DMD: variants seen among roughly 807,000 people sequenced by gnomAD.
The protein encoded by DMD is mutant dystrophin.
A neutral mutation model predicts 330.1 loss-of-function variants in DMD; 63 were observed. The observed-to-expected ratio is 0.19, with a 90% CI of 0.16 to 0.24. DMD has a LOEUF of 0.24. Among genes scored for constraint, DMD ranks in the 10% least tolerant of loss-of-function variants. The pLI is 1.00. For missense variants in DMD, 3,344 were observed against 2,684.1 expected, an observed-to-expected ratio of 1.25 and a Z score of -5.43; for synonymous variants, 1,223 against 959.8, an observed-to-expected ratio of 1.27 and a Z score of -5.07.
chrX:31,807,176 A>G (rs2092318173), intron 50 of DMD, among the ~76,000 whole-genome samples: 1 of 111,985 alleles, frequency 8.9e-6, no homozygotes, highest in Non-Finnish European at 1.9e-5. Flanking sequence ...TGCTGTAGGC[A>G]ATTGGGTCCA....
intron 9 of DMD, among the ~76,000 whole-genome samples, chrX:32,685,402 A>G (rs1299462087): frequency 8.9e-6 from 1 of 111,889 alleles, no homozygotes; most frequent in African/African-American, 3.2e-5. Flanking sequence ...TAGCAATCTG[A>G]CACACAATAT....
intron 2 of DMD, among the ~76,000 whole-genome samples, chrX:32,908,112 A>G (rs963139923): frequency 8.9e-6 from 1 of 112,084 alleles, no homozygotes; most frequent in African/African-American, 3.2e-5. Flanking sequence ...GCAAGACCAA[A>G]CATGCCGATA....
chrX:32,310,200 T>A lies in DMD; in HGVS notation c.5999A>T (p.Tyr2000Phe), dbSNP rs1603630432. The change falls in exon 42 of 79, where the codon TAT becomes TTT. Residue 2000 changes from tyrosine to phenylalanine, a missense_variant. Physicochemically the swap from Tyr to Phe is conservative, Grantham distance 22. Coordinates refer to ENST00000357033, the MANE Select transcript of DMD (RefSeq NM_004006.3). Reference protein sequence around the residue: ...PLEISYVPSTYLTEITHVSQA... With the variant: ...PLEISYVPSTFLTEITHVSQA... ...TGAGACATGAGTGATTTCAGTCAAA[T>A]AAGTAGAAGGCACATAAGAAATTTC... The A allele has an allele frequency of 8.3e-7, 1 of 1,209,246 alleles. No individual in the cohort carries two copies. Among genetic ancestry groups the A allele is most frequent in the Non-Finnish European group, 1.1e-6 (1 of 893,620 alleles).
chrX:32,857,213 TA>T lies in DMD; in HGVS notation c.94-7394del, dbSNP rs202111024. 7.2e-4 allele frequency among the ~76,000 whole-genome samples: 81 copies of T among 112,676 alleles called. 1 individual carries two copies. In the East Asian group the frequency reaches 0.018, roughly 26 times the overall value. ...AATATATCTATTTACCCCCTAAATA[TA>T]CTATGTATCCATAAATTTAATCTAA... On this transcript the variant is annotated intron_variant, in intron 2 of 78. Transcript: ENST00000357033.
upstream of DMD, among the ~76,000 whole-genome samples, chrX:33,216,450 G>A (rs1224026518): frequency 5.4e-5 from 6 of 110,875 alleles, no homozygotes; most frequent in African/African-American, 2.0e-4. Flanking sequence ...TACTAGAGGG[G>A]GAATGGAGGG....
chrX:32,805,372 A>G (rs2076877127), intron 7 of DMD, among the ~76,000 whole-genome samples: 1 of 111,979 alleles, frequency 8.9e-6, no homozygotes, highest in Non-Finnish European at 1.9e-5. Context: ...CAGAGATTGA[A>G]GATCAACTTA....
intron 1 of DMD, among the ~76,000 whole-genome samples, chrX:33,134,469 T>C (rs1011018620): frequency 6.2e-5 from 7 of 112,145 alleles, no homozygotes; most frequent in African/African-American, 2.3e-4. Flanking sequence ...TCTCAGAGAA[T>C]GATCTGCTTA....
chrX:31,170,063 G>C (rs917130698), intron 73 of DMD, among the ~76,000 whole-genome samples: 1 of 111,802 alleles, frequency 8.9e-6, no homozygotes, highest in African/African-American at 3.3e-5. Flanking sequence ...TAAGTGGAAG[G>C]CAATGTAACC....
At chrX:32,839,073 G>GT (rs1001535557) in intron 4 of DMD, among the ~76,000 whole-genome samples, 2 of 111,551 alleles carry the variant, frequency 1.8e-5, no homozygotes, top group Admixed American at 9.5e-5. Context: ...TTCTAGTAGT[G>GT]TTTTTTTAGT....
At chrX:32,267,961 G>T (rs1280595307) in intron 43 of DMD, among the ~76,000 whole-genome samples, 3 of 111,941 alleles carry the variant, frequency 2.7e-5, no homozygotes, top group Non-Finnish European at 5.6e-5. Flanking sequence ...AATATCAAAG[G>T]TATACATTAG....
At chrX:31,535,573 C>T (rs1158012213) in intron 55 of DMD, among the ~76,000 whole-genome samples, 11 of 105,607 alleles carry the variant, frequency 1.0e-4, no homozygotes, top group Non-Finnish European at 1.9e-4. Flanking sequence ...AGGACATAGG[C>T]GTGGGCAAGG....
chrX:32,935,619 A>G (rs1317031976), intron 2 of DMD, among the ~76,000 whole-genome samples: 1 of 112,077 alleles, frequency 8.9e-6, no homozygotes. Context: ...ACTCAGTGTA[A>G]ATTGATTTCC....
intron 62 of DMD, among the ~76,000 whole-genome samples, chrX:31,307,404 T>C (rs905091181): frequency 3.6e-5 from 4 of 111,926 alleles, no homozygotes; most frequent in African/African-American, 9.7e-5. Context: ...ACTTGGAATA[T>C]AATTGGCAAT....
At chrX:31,273,533 C>G (rs900265138) in intron 62 of DMD, among the ~76,000 whole-genome samples, 3 of 112,155 alleles carry the variant, frequency 2.7e-5, no homozygotes, top group African/African-American at 9.7e-5. Context: ...TGTTAATACT[C>G]TAGACTTGCT....
chrX:33,086,579 T>C (rs2095009343), intron 1 of DMD, among the ~76,000 whole-genome samples: 1 of 110,243 alleles, frequency 9.1e-6, no homozygotes, highest in African/African-American at 3.3e-5. Flanking sequence ...TATTATAGGA[T>C]GTGAAAGGCC....
At chrX:31,831,522 A>G (rs1410901044) in intron 49 of DMD, among the ~76,000 whole-genome samples, 1 of 112,113 alleles carries the variant, frequency 8.9e-6, no homozygotes, top group Non-Finnish European at 1.9e-5. Context: ...GCTCTCCTCA[A>G]GTTTATGCAT....
At chrX:32,287,406 T>A in intron 43 of DMD, 123 bp downstream of exon 43, 1 of 628,878 alleles carries the variant, frequency 1.6e-6, no homozygotes, top group East Asian at 3.4e-5. Context: ...TTACCATTTT[T>A]CAATGAGAGT....
At chrX:32,824,451 G>A (rs1049257053) in intron 4 of DMD, among the ~76,000 whole-genome samples, 5 of 111,819 alleles carry the variant, frequency 4.5e-5, no homozygotes, top group African/African-American at 1.6e-4. Flanking sequence ...GCAGCAAATT[G>A]GATGAATTTC....
chrX:32,722,235 T>C (rs1389295208), intron 7 of DMD, among the ~76,000 whole-genome samples: 1 of 110,267 alleles, frequency 9.1e-6, no homozygotes, highest in African/African-American at 3.3e-5. Flanking sequence ...CAACCTTCTA[T>C]TTCCACGGAT....
Sources: gnomAD v4.1 joint callset for allele counts (sites outside exome capture counted in the v4.1 genomes callset) on GRCh38, gnomAD v4.1.1 for gene constraint, MANE v1.5 for transcripts, NCBI Gene and HGNC (gene_info 2026-07-23, HGNC 2026-07-21) for gene names.